ATP2B1: variants seen among roughly 807,000 people sequenced by gnomAD.
The protein encoded by ATP2B1 is plasma membrane calcium-transporting ATPase 1.
A neutral mutation model predicts 124.2 loss-of-function variants in ATP2B1; 14 were observed. The ratio of observed to expected loss-of-function variants is 0.11; its 90% CI spans 0.07 to 0.18. The LOEUF is 0.18. Among genes scored for constraint, ATP2B1 ranks in the 10% least tolerant of loss-of-function variants. The pLI is 1.00. For synonymous variants in ATP2B1, 449 were observed against 492.4 expected (o/e 0.91, Z 1.17); for missense variants, 763 against 1,466.1 (o/e 0.52, Z 7.83).
intron 1 of ATP2B1, among the ~76,000 whole-genome samples, chr12:89,702,642 G>C (rs939469200): frequency 6.6e-6 from 1 of 151,968 alleles, no homozygotes; most frequent in Non-Finnish European, 1.5e-5. Flanking sequence ...AAATTTATCA[G>C]GTCTGTACAG....
chr12:89,618,982 T>C (rs1204124167), intron 11 of ATP2B1, among the ~76,000 whole-genome samples: 3 of 151,288 alleles, frequency 2.0e-5, no homozygotes, highest in African/African-American at 4.9e-5. Flanking sequence ...TTAACCAGTA[T>C]TTTTTTTTAA....
chr12:89,613,838 A>G (rs979361618), intron 12 of ATP2B1, among the ~76,000 whole-genome samples: 1 of 152,248 alleles, frequency 6.6e-6, no homozygotes, highest in Non-Finnish European at 1.5e-5. Context: ...CATATAAGAA[A>G]CTAAAGCAAG....
At chr12:89,681,039 GA>G (rs1889290738) in intron 1 of ATP2B1, among the ~76,000 whole-genome samples, 2 of 152,156 alleles carry the variant, frequency 1.3e-5, no homozygotes, top group East Asian at 1.9e-4. Context: ...ATTTATTAGA[GA>G]GTGAAATTCA....
chr12:89,599,433 G>C, intron 19 of ATP2B1, 134 bp from the exon 20 acceptor site: 1 of 926,466 alleles, frequency 1.1e-6, no homozygotes, highest in Middle Eastern at 3.0e-4. Flanking sequence ...GGATCCTGTT[G>C]ATTAGTCTTT....
At chr12:89,657,365 A>G (rs1161728141) in intron 1 of ATP2B1, among the ~76,000 whole-genome samples, 1 of 152,204 alleles carries the variant, frequency 6.6e-6, no homozygotes, top group Non-Finnish European at 1.5e-5. Context: ...TGCTACATTT[A>G]GTTTTTGAAA....
chr12:89,599,386 G>A, intron 19 of ATP2B1, 87 bp from the exon 20 acceptor site: 1 of 1,406,824 alleles, frequency 7.1e-7, no homozygotes, highest in Non-Finnish European at 9.7e-7. Context: ...ATTAAAAGTG[G>A]TGAGAGTATC....
In ATP2B1 at chr12:89,667,748, A is replaced by T. The variant is rs140759876; in HGVS notation, c.-221-11641T>A. Among the ~76,000 whole-genome samples, 349 of 152,266 alleles carry T rather than the reference A, an allele frequency of 2.3e-3. 2 individuals carry two copies. Among genetic ancestry groups the T allele is most frequent in the African/African-American group, 8.0e-3 (334 of 41,494 alleles). On this transcript the variant is annotated intron_variant, in intron 1 of 20. Transcript: ENST00000428670. Reference sequence around the variant, plus strand: ...AAAAGAAATCACAGATGATACAAACAAATGGAAAAACATTCCATGCTCATG... The same window carrying T: ...AAAAGAAATCACAGATGATACAAACTAATGGAAAAACATTCCATGCTCATG...
intron 2 of ATP2B1, among the ~76,000 whole-genome samples, chr12:89,643,119 TATAC>T (rs1883862767): frequency 1.3e-5 from 2 of 148,776 alleles, no homozygotes; most frequent in Admixed American, 6.7e-5. Context: ...TATATACGTA[TATAC>T]ACGTATATAT....
At chr12:89,706,118 T>C (rs35274227) in intron 1 of ATP2B1, among the ~76,000 whole-genome samples, 6,686 of 152,254 alleles carry the variant, frequency 0.044, 189 homozygotes, top group Non-Finnish European at 0.066. Flanking sequence ...GTAACTCTTT[T>C]CTAAGTATTA....
At chr12:89,707,056 T>C (rs1192341851) in intron 1 of ATP2B1, among the ~76,000 whole-genome samples, 1 of 152,076 alleles carries the variant, frequency 6.6e-6, no homozygotes, top group Non-Finnish European at 1.5e-5. Context: ...AAATTTGAAC[T>C]CACCAGGAGG....
intron 1 of ATP2B1, among the ~76,000 whole-genome samples, chr12:89,700,979 TTTAG>T (rs1891775355): frequency 6.6e-6 from 1 of 152,200 alleles, no homozygotes; most frequent in African/African-American, 2.4e-5. Flanking sequence ...TATATAAATC[TTTAG>T]TTACTTAAAT....
chr12:89,687,978 A>G (rs922493709), intron 1 of ATP2B1, among the ~76,000 whole-genome samples: 1 of 152,100 alleles, frequency 6.6e-6, no homozygotes, highest in Non-Finnish European at 1.5e-5. Flanking sequence ...AACAAAAACA[A>G]AAGTAAACTA....
intron 11 of ATP2B1, among the ~76,000 whole-genome samples, chr12:89,619,177 C>A (rs546129968): frequency 6.6e-6 from 1 of 152,326 alleles, no homozygotes; most frequent in South Asian, 2.1e-4. Context: ...TACGACACTG[C>A]AGCAGCATAA....
intron 1 of ATP2B1, among the ~76,000 whole-genome samples, chr12:89,683,598 T>C (rs1346316569): frequency 6.6e-6 from 1 of 152,212 alleles, no homozygotes; most frequent in Non-Finnish European, 1.5e-5. Flanking sequence ...AACTATTCTA[T>C]CCAGCCCCCG....
chr12:89,635,188 G>T lies in ATP2B1; in HGVS notation c.470C>A (p.Ala157Asp), dbSNP rs774444929. The change falls in exon 4 of 21, where the codon GCT (alanine) becomes GAT (aspartate). Residue 157 changes from alanine to aspartate, a missense_variant. Ala to Asp is a moderately radical substitution (Grantham distance 126). This residue lies in a region of ATP2B1 where 392 missense variants were observed against 776.6 expected (regional missense o/e 0.50). Coordinates refer to ENST00000428670, the MANE Select transcript of ATP2B1 (RefSeq NM_001366521.1). Reference sequence around the variant, plus strand: ...ACACACTACAGACAAGAGGATTGCAGCTCCTTCAATCCAACCAGTTTCACC... The same window carrying T: ...ACACACTACAGACAAGAGGATTGCATCTCCTTCAATCCAACCAGTTTCACC... Reference protein sequence around the residue: ...GEGETGWIEGAAILLSVVCVV... With the variant: ...GEGETGWIEGDAILLSVVCVV... 1 of 1,613,756 alleles carries T rather than the reference G, an allele frequency of 6.2e-7. No homozygotes were observed. Among genetic ancestry groups the T allele is most frequent in the Non-Finnish European group, 8.5e-7 (1 of 1,179,840 alleles).
intron 11 of ATP2B1, among the ~76,000 whole-genome samples, chr12:89,619,170 G>C (rs1316280263): frequency 1.3e-5 from 2 of 152,066 alleles, no homozygotes; most frequent in Non-Finnish European, 2.9e-5. Flanking sequence ...ATTTAAATAC[G>C]ACACTGCAGC....
At chr12:89,623,099 T>TA (rs1359373155) in intron 9 of ATP2B1, among the ~76,000 whole-genome samples, 2 of 152,302 alleles carry the variant, frequency 1.3e-5, no homozygotes, top group African/African-American at 4.8e-5. Context: ...TGAAAGTTGT[T>TA]AAATGCCTGA....
intron 15 of ATP2B1, among the ~76,000 whole-genome samples, chr12:89,606,572 C>CT (rs11390166): frequency 0.9 from 116,539 of 129,036 alleles, 53,217 homozygotes; most frequent in South Asian, 0.97. Context: ...TAATGTCCCA[C>CT]TTTTTTTTTT....
chr12:89,629,905 AAC>A (rs1427805311), intron 6 of ATP2B1, among the ~76,000 whole-genome samples: 2 of 152,224 alleles, frequency 1.3e-5, no homozygotes, highest in East Asian at 1.9e-4. Flanking sequence ...TCTTGTGTAT[AAC>A]AGTTTCTTGT....
Sources: allele counts gnomAD v4.1 joint callset (sites outside exome capture counted in the v4.1 genomes callset), GRCh38; gene constraint gnomAD v4.1.1; regional missense constraint gnomAD v4.1.1; transcripts MANE v1.5; gene names NCBI Gene and HGNC (gene_info 2026-07-23, HGNC 2026-07-21).